Variants in EPHB1 observed in about 807,000 individuals in gnomAD.
The protein encoded by EPHB1 is EPH receptor B1, also known as ephrin type-B receptor 1.
EPHB1 carries 30 observed loss-of-function variants against 94.4 expected under a neutral mutation model. That is an observed-to-expected ratio of 0.32 (90% confidence interval 0.24 to 0.43). EPHB1 has a LOEUF of 0.43. Among genes scored for constraint, EPHB1 ranks in the 20% least tolerant of loss-of-function variants. The probability of loss-of-function intolerance (pLI) is 1.00; values close to 1 mark genes in which losing one functional copy is unlikely to be tolerated. For missense variants in EPHB1, 1,055 were observed against 1,308.3 expected (o/e 0.81, Z 2.99); for synonymous variants, 522 against 489.1 (o/e 1.07, Z -0.89).
chr3:135,123,975 C>G (rs533586720), intron 4 of EPHB1, among the ~76,000 whole-genome samples: 1 of 151,744 alleles, frequency 6.6e-6, no homozygotes, highest in African/African-American at 2.4e-5. Context: ...TTTCTCTGCT[C>G]AGAGCCCTCC....
At chr3:135,152,625 T>A (rs73218243) in intron 5 of EPHB1, among the ~76,000 whole-genome samples, 26,086 of 152,004 alleles carry the variant, frequency 0.17, 2,415 homozygotes, top group Middle Eastern at 0.27. Flanking sequence ...AGGAAGAGCT[T>A]TAGCTTGCTG....
intron 4 of EPHB1, among the ~76,000 whole-genome samples, chr3:135,130,300 G>C (rs1335172210): frequency 6.6e-6 from 1 of 152,204 alleles, no homozygotes; most frequent in Non-Finnish European, 1.5e-5. Flanking sequence ...GTGGCTCCCA[G>C]GGCCTGACTG....
Position 134,937,874 on chromosome 3 carries a change from G to A in EPHB1, c.123+11994G>A, listed in dbSNP as rs116291968. On this transcript the variant is annotated intron_variant, in intron 2 of 15. Transcript: ENST00000398015. ...AATAATGGCAGCTGAATACCCTGCCGCCGTTGCCATAGTGACCAGCCAAGC... is the reference window on the plus strand; with the variant it reads ...AATAATGGCAGCTGAATACCCTGCCACCGTTGCCATAGTGACCAGCCAAGC... Among the ~76,000 whole-genome samples, 1,360 of 151,040 alleles carry A rather than the reference G, an allele frequency of 9.0e-3. 25 individuals are homozygous for A. The highest frequency in any genetic ancestry group is 0.031 in the African/African-American group (1,274 of 41,026).
Position 135,154,327 on chromosome 3 carries a change from C to G in EPHB1, c.1422+51C>G, listed in dbSNP as rs372972756. The G allele has an allele frequency of 3.9e-5, 62 of 1,608,934 alleles. No individual in the cohort carries two copies. In the African/African-American group the frequency reaches 7.2e-4, roughly 19 times the overall value. ...GCAAGACCCAAGGCCAGCCACTGTT[C>G]CATGGATGGTTGCTAGCTGAAGGCA... On this transcript the variant is annotated intron_variant, in intron 6 of 15. Coordinates refer to ENST00000398015, the MANE Select transcript of EPHB1 (RefSeq NM_004441.5).
chr3:135,189,610 T>C (rs2107708757), intron 10 of EPHB1, among the ~76,000 whole-genome samples: 1 of 152,392 alleles, frequency 6.6e-6, no homozygotes, highest in South Asian at 2.1e-4. Flanking sequence ...GTGCAGGCTG[T>C]ATCCAAACCA....
chr3:135,081,762 C>A (rs560330393), intron 3 of EPHB1, among the ~76,000 whole-genome samples: 5 of 152,058 alleles, frequency 3.3e-5, no homozygotes, highest in Admixed American at 1.3e-4. Flanking sequence ...GATTTGCCAG[C>A]GGACAATCCA....
chr3:135,042,253 C>A (rs1202700737), intron 3 of EPHB1, among the ~76,000 whole-genome samples: 2 of 152,202 alleles, frequency 1.3e-5, no homozygotes, highest in African/African-American at 2.4e-5. Flanking sequence ...AGGGAACCCA[C>A]TTCTGTGATA....
chr3:135,118,852 A>G (rs73218216), intron 4 of EPHB1, among the ~76,000 whole-genome samples: 20,676 of 152,186 alleles, frequency 0.14, 1,516 homozygotes, highest in Middle Eastern at 0.22. Flanking sequence ...CATTAATATA[A>G]ACAATAATAC....
At chr3:135,217,414 C>G (rs1943171692) in intron 12 of EPHB1, among the ~76,000 whole-genome samples, 2 of 145,768 alleles carry the variant, frequency 1.4e-5, no homozygotes, top group South Asian at 2.2e-4. Flanking sequence ...ATGAATAACT[C>G]CCATCAGTAC....
chr3:134,860,088 CTT>C (rs1001139659), intron 1 of EPHB1, among the ~76,000 whole-genome samples: 30 of 151,108 alleles, frequency 2.0e-4, no homozygotes, highest in African/African-American at 7.1e-4. Flanking sequence ...TTTTTGAACA[CTT>C]TTTAGCTGTT....
At chr3:135,088,391 T>C (rs1938435219) in intron 3 of EPHB1, among the ~76,000 whole-genome samples, 1 of 152,242 alleles carries the variant, frequency 6.6e-6, no homozygotes, top group Admixed American at 6.5e-5. Context: ...TCTTCTCATA[T>C]AGTTTCATCG....
intron 11 of EPHB1, 53 bp downstream of exon 11, chr3:135,192,876 C>T: frequency 6.3e-7 from 1 of 1,589,714 alleles, no homozygotes; most frequent in Non-Finnish European, 8.6e-7. Context: ...TGAATGATGG[C>T]TGGGGAGAGG....
chr3:135,038,280 G>A (rs1936712177), intron 3 of EPHB1, among the ~76,000 whole-genome samples: 1 of 152,174 alleles, frequency 6.6e-6, no homozygotes, highest in South Asian at 2.1e-4. Context: ...TTTGAATCTG[G>A]GCTGGGCTGT....
At chr3:135,210,260 G>A (rs886497438) in intron 12 of EPHB1, among the ~76,000 whole-genome samples, 3 of 152,122 alleles carry the variant, frequency 2.0e-5, no homozygotes, top group African/African-American at 7.2e-5. Flanking sequence ...TTTTCCATAT[G>A]ATTTTGATAC....
intron 10 of EPHB1, among the ~76,000 whole-genome samples, chr3:135,187,758 T>C (rs1163563610): frequency 2.0e-5 from 3 of 152,290 alleles, no homozygotes; most frequent in South Asian, 2.1e-4. Context: ...AACTTCACCA[T>C]GTCCCCTGGC....
In EPHB1 at chr3:135,112,537, C is replaced by G. The variant is rs1454306702; in HGVS notation, c.961+5934C>G. Among the ~76,000 whole-genome samples the G allele has an allele frequency of 7.0e-5, 7 of 100,130 alleles. No individual in the cohort carries two copies. In the Admixed American group the frequency reaches 7.8e-4, roughly 11 times the overall value. The allele number at this position is 100,130 out of a possible 152,430, so 65.7% of individuals were successfully genotyped here. On this transcript the variant is annotated intron_variant, in intron 4 of 15. Transcript: ENST00000398015. ...TATATCTCCTAATGCTATCCCTCCC[C>G]CCTCCCCCCACCCCACAACAGTCCC...
At chr3:134,869,527 G>C (rs2037453928) in intron 1 of EPHB1, among the ~76,000 whole-genome samples, 1 of 152,308 alleles carries the variant, frequency 6.6e-6, no homozygotes, top group East Asian at 1.9e-4. Context: ...CACTCGCTGA[G>C]GTCAAGGGGA....
intron 15 of EPHB1, among the ~76,000 whole-genome samples, chr3:135,252,371 CCACCCCA>C (rs1933161222): frequency 8.7e-6 from 1 of 114,366 alleles, no homozygotes; most frequent in Non-Finnish European, 1.7e-5. Flanking sequence ...CCCCCTCCCC[CCACCCCA>C]CCACAGTCCC....
At chr3:135,007,220 T>C (rs1935450308) in intron 3 of EPHB1, among the ~76,000 whole-genome samples, 1 of 152,182 alleles carries the variant, frequency 6.6e-6, no homozygotes, top group African/African-American at 2.4e-5. Flanking sequence ...CCTAACGCAG[T>C]AGCAATTCTC....
Sources: gnomAD v4.1 joint callset for allele counts (sites outside exome capture counted in the v4.1 genomes callset) on GRCh38, gnomAD v4.1.1 for gene constraint, MANE v1.5 for transcripts, NCBI Gene and HGNC (gene_info 2026-07-23, HGNC 2026-07-21) for gene names.